DMD: variants seen among roughly 807,000 people sequenced by gnomAD.
DMD encodes the protein mutant dystrophin.
A neutral mutation model predicts 330.1 loss-of-function variants in DMD; 63 were observed. The ratio of observed to expected loss-of-function variants is 0.19; its 90% CI spans 0.16 to 0.24. The LOEUF is 0.24. Among genes scored for constraint, DMD ranks in the 10% least tolerant of loss-of-function variants. DMD has a pLI of 1.00. For synonymous variants in DMD, 1,223 were observed against 959.8 expected (o/e 1.27, Z -5.07); for missense variants, 3,344 against 2,684.1 (o/e 1.25, Z -5.43).
At chrX:33,323,279 C>T (rs2054041306) in intron 1 of DMD, among the ~76,000 whole-genome samples, 1 of 111,751 alleles carries the variant, frequency 8.9e-6, no homozygotes, top group Admixed American at 9.5e-5. Flanking sequence ...AAAACTTGTG[C>T]TGTTGGACTT....
chrX:31,728,018 C>T (rs1165103781), intron 52 of DMD, among the ~76,000 whole-genome samples: 1 of 112,397 alleles, frequency 8.9e-6, no homozygotes, highest in African/African-American at 3.2e-5. Flanking sequence ...AAATTCCAAG[C>T]TCTGTTCTTT....
chrX:32,133,416 C>A (rs1011241522), intron 44 of DMD, among the ~76,000 whole-genome samples: 1 of 111,437 alleles, frequency 9.0e-6, no homozygotes, highest in South Asian at 3.8e-4. Context: ...CTTAGTGATA[C>A]AATCTGATAT....
chrX:32,535,997 T>C (rs2047921812), intron 17 of DMD, among the ~76,000 whole-genome samples: 2 of 111,565 alleles, frequency 1.8e-5, no homozygotes, highest in Admixed American at 9.5e-5. Flanking sequence ...CCTGGCACTG[T>C]GGCTCATGCC....
intron 34 of DMD, among the ~76,000 whole-genome samples, chrX:32,370,330 C>A (rs918533809): frequency 1.8e-5 from 2 of 108,796 alleles, no homozygotes; most frequent in Non-Finnish European, 3.8e-5. Flanking sequence ...CTTTTACAGC[C>A]CCCAAAATTA....
chrX:32,865,347 G>A (rs780938920), intron 2 of DMD, among the ~76,000 whole-genome samples: 1 of 111,435 alleles, frequency 9.0e-6, no homozygotes, highest in East Asian at 2.8e-4. Context: ...GTATGGTGCT[G>A]GCACAAATAA....
chrX:32,252,289 TACTCTC>T (rs2097266619), intron 43 of DMD, among the ~76,000 whole-genome samples: 1 of 110,536 alleles, frequency 9.0e-6, no homozygotes, highest in South Asian at 3.8e-4. Flanking sequence ...CACAGATAAT[TACTCTC>T]AGTCTCTAGA....
intron 51 of DMD, among the ~76,000 whole-genome samples, chrX:31,749,280 C>T (rs1238306130): frequency 5.5e-5 from 5 of 91,530 alleles, no homozygotes; most frequent in South Asian, 6.8e-4. Flanking sequence ...TCTCCCAATG[C>T]CATCCCTCCC....
chrX:32,672,576 TC>T (rs2061698041), intron 9 of DMD, among the ~76,000 whole-genome samples: 1 of 110,665 alleles, frequency 9.0e-6, no homozygotes, highest in African/African-American at 3.3e-5. Context: ...TTTAAATAAA[TC>T]CTTTTTGCCA....
At chrX:32,719,707 G>A (rs1010377373) in intron 7 of DMD, among the ~76,000 whole-genome samples, 1 of 110,933 alleles carries the variant, frequency 9.0e-6, no homozygotes, top group Non-Finnish European at 1.9e-5. Flanking sequence ...TATTTTCACT[G>A]CTTGGAATGC....
intron 1 of DMD, among the ~76,000 whole-genome samples, chrX:33,151,283 T>C (rs930971304): frequency 8.9e-6 from 1 of 112,400 alleles, no homozygotes; most frequent in African/African-American, 3.2e-5. Context: ...AGTCAGGTAG[T>C]ATAAGGCAAA....
chrX:32,865,441 G>A (rs1349264182), intron 2 of DMD, among the ~76,000 whole-genome samples: 1 of 111,249 alleles, frequency 9.0e-6, no homozygotes, highest in Non-Finnish European at 1.9e-5. Context: ...ACAGGTAGAA[G>A]TGTAAAGGGA....
At chrX:32,501,687 T>A (rs2044069498) in intron 19 of DMD, 68 bp downstream of exon 19, 1 of 784,507 alleles carries the variant, frequency 1.3e-6, no homozygotes, top group South Asian at 2.2e-5. Context: ...ATAATTCAGC[T>A]GATAAATATG....
chrX:31,664,672 T>G (rs1229291904), intron 53 of DMD, among the ~76,000 whole-genome samples: 3 of 106,127 alleles, frequency 2.8e-5, no homozygotes, highest in Non-Finnish European at 3.9e-5. Context: ...AAGTTTTTTT[T>G]TTTTTTTTTT....
chrX:32,428,380 A>G (rs781081276), intron 29 of DMD, among the ~76,000 whole-genome samples: 1 of 111,374 alleles, frequency 9.0e-6, no homozygotes, highest in Non-Finnish European at 1.9e-5. Flanking sequence ...ATGTATTGAC[A>G]TTTCCATGTA....
chrX:32,315,858 C>T (rs1404551026), intron 41 of DMD, among the ~76,000 whole-genome samples: 1 of 111,851 alleles, frequency 8.9e-6, no homozygotes, highest in African/African-American at 3.2e-5. Flanking sequence ...ATTTAAATTG[C>T]CAATTTTTCT....
At chrX:32,866,593 C>G (rs1340303785) in intron 2 of DMD, among the ~76,000 whole-genome samples, 1 of 111,030 alleles carries the variant, frequency 9.0e-6, no homozygotes, top group Non-Finnish European at 1.9e-5. Flanking sequence ...AGAACACAGT[C>G]ATTATATTCC....
chrX:32,476,759 C>T (rs939227808), intron 21 of DMD, among the ~76,000 whole-genome samples: 1 of 111,573 alleles, frequency 9.0e-6, no homozygotes, highest in Non-Finnish European at 1.9e-5. Context: ...AGGGCAAACA[C>T]AGTATGAGCT....
At chrX:31,988,614 A>C (rs2095528313) in intron 44 of DMD, among the ~76,000 whole-genome samples, 2 of 110,695 alleles carry the variant, frequency 1.8e-5, no homozygotes, top group Admixed American at 9.6e-5. Context: ...AACTTTCAGG[A>C]CACCAGAACT....
At chrX:32,791,118 G>A (rs772899199) in intron 7 of DMD, among the ~76,000 whole-genome samples, 12 of 111,616 alleles carry the variant, frequency 1.1e-4, no homozygotes, top group Admixed American at 3.8e-4. Context: ...CAAAGCTGGC[G>A]TCAACCTACA....
Sources: gnomAD v4.1 joint callset for allele counts (sites outside exome capture counted in the v4.1 genomes callset) on GRCh38, gnomAD v4.1.1 for gene constraint, MANE v1.5 for transcripts, NCBI Gene and HGNC (gene_info 2026-07-23, HGNC 2026-07-21) for gene names.